SH3BP4: variants seen among roughly 807,000 people sequenced by gnomAD.
SH3BP4 encodes the protein SH3 domain binding protein 4.
A neutral mutation model predicts 65.5 loss-of-function variants in SH3BP4; 33 were observed. The observed-to-expected ratio is 0.50, with a 90% CI of 0.38 to 0.67. The LOEUF (loss-of-function observed/expected upper bound fraction) is 0.67. Among genes scored for constraint, SH3BP4 ranks in the 30% least tolerant of loss-of-function variants. SH3BP4 has a pLI of 0.00. For missense variants in SH3BP4, 1,134 were observed against 1,261.4 expected, an observed-to-expected ratio of 0.90 and a Z score of 1.53; for synonymous variants, 552 against 545.5, an observed-to-expected ratio of 1.01 and a Z score of -0.17.
chr2:234,988,003 G>A (rs116610818), intron 1 of SH3BP4, among the ~76,000 whole-genome samples: 105 of 152,260 alleles, frequency 6.9e-4, no homozygotes, highest in African/African-American at 2.5e-3. Context: ...CATGCCCAGA[G>A]TTCTCCTAGA....
At chr2:235,038,380 T>TATATAC (rs1559254687) in intron 3 of SH3BP4, among the ~76,000 whole-genome samples, 6 of 7,348 alleles carry the variant, frequency 8.2e-4, no homozygotes, top group Admixed American at 2.8e-3. Flanking sequence ...TATATACATA[T>TATATAC]ATATATATAT....
Position 234,997,108 on chromosome 2 carries a change from G to A in SH3BP4, c.-133+1732G>A, listed in dbSNP as rs1574804381. Among the ~76,000 whole-genome samples, 1 of 152,260 alleles carries A rather than the reference G, an allele frequency of 6.6e-6. No homozygotes were observed. The highest frequency in any genetic ancestry group is 1.5e-5 in the Non-Finnish European group (1 of 68,048). On this transcript the variant is annotated intron_variant, in intron 2 of 5. Coordinates refer to ENST00000392011, the MANE Select transcript of SH3BP4 (RefSeq NM_014521.3). This position sits in a 1 kb window ranked among gnomAD's most constrained non-coding sequence, Gnocchi z 4.2. ...TGCACCCAGACTTGCCCTGGATACA[G>A]CGGGCAGAGCGTTGCATGTGCCTCT...
At chr2:234,965,631 A>G (rs1162189425) in intron 1 of SH3BP4, among the ~76,000 whole-genome samples, 1 of 152,198 alleles carries the variant, frequency 6.6e-6, no homozygotes, top group Non-Finnish European at 1.5e-5. Context: ...TCATTAGTCA[A>G]ATTGTCTAGA....
rs1696086393 is a variant in SH3BP4 at position 235,052,429 on chromosome 2, T to G, written c.2479-133T>G. 3.1e-6 allele frequency: 2 copies of G among 640,272 alleles called. No homozygotes were observed. The highest frequency in any genetic ancestry group is 5.7e-5 in the East Asian group (2 of 35,144). The allele number at this position is 640,272 out of a possible 1,614,324, so 39.7% of individuals were successfully genotyped here. A position where few individuals can be genotyped will look rare whatever the true frequency, so the allele number is the denominator to read the frequency against. ...GGCAGTGATCGATTTCAGGGGACATTTGGTAGTAGGCCAGGGAACATGGAG... is the reference window on the plus strand; with the variant it reads ...GGCAGTGATCGATTTCAGGGGACATGTGGTAGTAGGCCAGGGAACATGGAG... On this transcript the variant is annotated intron_variant, in intron 4 of 5. Coordinates refer to ENST00000392011, the MANE Select transcript of SH3BP4 (RefSeq NM_014521.3). The surrounding 1 kb of genome is among the most constrained non-coding windows in gnomAD (Gnocchi z 5.0).
chr2:235,029,087 G>C (rs561355970), intron 2 of SH3BP4, among the ~76,000 whole-genome samples: 1 of 152,366 alleles, frequency 6.6e-6, no homozygotes, highest in Admixed American at 6.5e-5. Flanking sequence ...CAGGCCGCAG[G>C]CAGGCCTGCT....
intron 1 of SH3BP4, among the ~76,000 whole-genome samples, chr2:234,990,128 T>C (rs1693704008): frequency 6.6e-6 from 1 of 152,224 alleles, no homozygotes; most frequent in South Asian, 2.1e-4. Flanking sequence ...AGATATCTCA[T>C]TGTGTATGTG....
At chr2:235,043,909 G>C (rs1472616855) in intron 4 of SH3BP4, among the ~76,000 whole-genome samples, 2 of 152,282 alleles carry the variant, frequency 1.3e-5, no homozygotes, top group East Asian at 3.8e-4. Context: ...ACCCTGCAAA[G>C]AAGAGCATTC....
chr2:234,985,894 A>G (rs1051415926), intron 1 of SH3BP4, among the ~76,000 whole-genome samples: 3 of 152,060 alleles, frequency 2.0e-5, no homozygotes, highest in Non-Finnish European at 4.4e-5. Context: ...CAGGTGAACC[A>G]GCCCTCGACA....
chr2:235,015,812 C>T (rs150106378), intron 2 of SH3BP4, among the ~76,000 whole-genome samples: 9 of 152,210 alleles, frequency 5.9e-5, no homozygotes, highest in Admixed American at 2.6e-4. Flanking sequence ...AAGAGTAACA[C>T]GTCATCCAGG....
chr2:235,006,920 G>A (rs575878449), intron 2 of SH3BP4, among the ~76,000 whole-genome samples: 1 of 152,192 alleles, frequency 6.6e-6, no homozygotes, highest in East Asian at 1.9e-4. Flanking sequence ...GTGCCACGCC[G>A]CATCTGTGTG....
chr2:235,038,383 A>T (rs1363336936), intron 3 of SH3BP4, among the ~76,000 whole-genome samples: 294 of 17,262 alleles, frequency 0.017, 14 homozygotes, highest in South Asian at 0.035. Flanking sequence ...ATACATATAT[A>T]TATATATATA....
Position 235,042,323 on chromosome 2 carries a change from G to C in SH3BP4, c.1554G>C (p.Pro518=), listed in dbSNP as rs935563291. The part of the protein sequence containing the change: ...EVTRQAPNPA[P]VALQLWGKHQ... ...CACGCCAGGCACCCAACCCTGCCCC[G>C]GTGGCCCTGCAGCTGTGGGGGAAGC... Residue 518 remains proline, a synonymous_variant, in exon 4 of 6, where the codon CCG becomes CCC. Coordinates refer to ENST00000392011, the MANE Select transcript of SH3BP4 (RefSeq NM_014521.3). The surrounding 1 kb of genome is among the most constrained non-coding windows in gnomAD (Gnocchi z 7.3). The C allele has an allele frequency of 1.9e-6, 3 of 1,613,978 alleles. No individual in the cohort carries two copies. Among genetic ancestry groups the C allele is most frequent in the Non-Finnish European group, 2.5e-6 (3 of 1,180,024 alleles).
chr2:234,977,630 G>A lies in SH3BP4; in HGVS notation c.-206-17673G>A, dbSNP rs1054019079. On this transcript the variant is annotated intron_variant, in intron 1 of 5. Transcript: ENST00000392011. The surrounding 1 kb of genome is among the most constrained non-coding windows in gnomAD (Gnocchi z 5.1). ...TCCCATTAGCGACTTAGGGGTGAGT[G>A]GATGGAAAACAGGATGAGAGTGTCT... 3.3e-5 allele frequency among the ~76,000 whole-genome samples: 5 copies of A among 152,134 alleles called. No homozygotes were observed. Among genetic ancestry groups the A allele is most frequent in the African/African-American group, 9.7e-5 (4 of 41,418 alleles).
At chr2:234,998,223 G>A (rs928596837) in intron 2 of SH3BP4, among the ~76,000 whole-genome samples, 1 of 152,204 alleles carries the variant, frequency 6.6e-6, no homozygotes, top group Non-Finnish European at 1.5e-5. Flanking sequence ...AGCTTAGCTG[G>A]GTGCCTGGGG....
rs1296022059 is a variant in SH3BP4 at position 234,978,544 on chromosome 2, G to A, written c.-206-16759G>A. On this transcript the variant is annotated intron_variant, in intron 1 of 5. Transcript: ENST00000392011. This position sits in a 1 kb window ranked among gnomAD's most constrained non-coding sequence, Gnocchi z 4.1. ...CGGCTGGGCTCCTTTCCTGCTGCAG[G>A]TGCCGCGTCTCTTTCTTAAGCCTGT... 1.3e-5 allele frequency: 2 copies of A among 152,518 alleles called. No individual in the cohort carries two copies. The highest frequency in any genetic ancestry group is 6.5e-5 in the Admixed American group (1 of 15,278). 9.4% of individuals were successfully genotyped at this position (152,518 alleles called of 1,614,324 possible). A position where few individuals can be genotyped will look rare whatever the true frequency, so the allele number is the denominator to read the frequency against.
At position 234,976,670 on chromosome 2, in the gene SH3BP4, G is replaced by T. The variant is rs1483666678; in HGVS notation, c.-206-18633G>T. Among the ~76,000 whole-genome samples, 1 of 152,166 alleles carries T rather than the reference G, an allele frequency of 6.6e-6. No homozygotes were observed. The highest frequency in any genetic ancestry group is 1.5e-5 in the Non-Finnish European group (1 of 68,038). ...GGTCACCATGGCAGGGATAAGTCACGCTGATGGCATTGTGTGGCAAGAAGG... is the reference window on the plus strand; with the variant it reads ...GGTCACCATGGCAGGGATAAGTCACTCTGATGGCATTGTGTGGCAAGAAGG... On this transcript the variant is annotated intron_variant, in intron 1 of 5. Coordinates refer to ENST00000392011, the MANE Select transcript of SH3BP4 (RefSeq NM_014521.3). This position sits in a 1 kb window ranked among gnomAD's most constrained non-coding sequence, Gnocchi z 4.7.
chr2:235,006,528 T>C (rs1383409632), intron 2 of SH3BP4, among the ~76,000 whole-genome samples: 3 of 152,126 alleles, frequency 2.0e-5, no homozygotes, highest in Admixed American at 6.5e-5. Flanking sequence ...ACCACAGGAC[T>C]CTCAGAAGCA....
chr2:234,984,987 A>G (rs989636092), intron 1 of SH3BP4, among the ~76,000 whole-genome samples: 2 of 152,148 alleles, frequency 1.3e-5, no homozygotes, highest in Non-Finnish European at 2.9e-5. Context: ...ACTATGCCCT[A>G]GAATTGTCTT....
intron 1 of SH3BP4, chr2:234,979,736 T>TC (rs1458971034): frequency 1.3e-5 from 2 of 151,974 alleles, no homozygotes; most frequent in East Asian, 1.9e-4. Context: ...GAGGGTGGCC[T>TC]CCCCCGGCAG....
Sources: allele counts gnomAD v4.1 joint callset (sites outside exome capture counted in the v4.1 genomes callset), GRCh38; gene constraint gnomAD v4.1.1; non-coding constraint Gnocchi (gnomAD v3.1); transcripts MANE v1.5; gene names NCBI Gene and HGNC (gene_info 2026-07-23, HGNC 2026-07-21).